Variants in CELF2 observed in about 807,000 individuals in gnomAD.
CELF2 encodes CUG triplet repeat RNA-binding protein 2.
CELF2 carries 8 observed loss-of-function variants against 62.6 expected under a neutral mutation model. The ratio of observed to expected loss-of-function variants is 0.13; its 90% CI spans 0.07 to 0.23. CELF2 has a LOEUF of 0.23. Among genes scored for constraint, CELF2 ranks in the 10% least tolerant of loss-of-function variants. CELF2 has a pLI of 1.00. For missense variants in CELF2, 333 were observed against 671.0 expected (o/e 0.50, Z 5.56); for synonymous variants, 258 against 250.0 (o/e 1.03, Z -0.30).
rs1589340004 is a variant in CELF2, at chr10:11,223,800, G to A, written c.354+6293G>A. On this transcript the variant is annotated intron_variant, in intron 3 of 12. Transcript: ENST00000633077. This position sits in a 1 kb window ranked among gnomAD's most constrained non-coding sequence, Gnocchi z 5.1. ...TATAGATCCAGGAGAGGATATCGGA[G>A]GATGGAAGGAAATCCTGGGCCCAGT... Among the ~76,000 whole-genome samples, 1 of 152,230 alleles carries A rather than the reference G, an allele frequency of 6.6e-6. No individual in the cohort carries two copies. The highest frequency in any genetic ancestry group is 1.9e-4 in the East Asian group (1 of 5,202).
the CELF2 span, among the ~76,000 whole-genome samples, chr10:10,570,896 GA>G: frequency 1.6e-4 from 25 of 151,766 alleles, no homozygotes; most frequent in African/African-American, 5.1e-4. Context: ...ATTTTTGCAG[GA>G]AAAAAAAGAT....
chr10:11,175,799 G>C (rs972631943), intron 2 of CELF2, among the ~76,000 whole-genome samples: 13 of 152,228 alleles, frequency 8.5e-5, no homozygotes, highest in African/African-American at 3.1e-4. Context: ...CAAAGCACCA[G>C]TCATGTGGCA....
At chr10:10,540,299 A>G in the CELF2 span, among the ~76,000 whole-genome samples, 1 of 152,162 alleles carries the variant, frequency 6.6e-6, no homozygotes, top group Non-Finnish European at 1.5e-5. Flanking sequence ...TGAGCATGAA[A>G]CACAGCTCCC....
intron 1 of CELF2, among the ~76,000 whole-genome samples, chr10:11,093,193 CTCAATCA>C (rs923198852): frequency 3.3e-5 from 5 of 152,234 alleles, no homozygotes; most frequent in African/African-American, 9.6e-5. Context: ...TCATGCTGCT[CTCAATCA>C]TTTGTGGGAC....
At chr10:11,276,214 G>A (rs942810394) in intron 8 of CELF2, among the ~76,000 whole-genome samples, 1 of 152,140 alleles carries the variant, frequency 6.6e-6, no homozygotes, top group South Asian at 2.1e-4. Context: ...TGGGTGTGGT[G>A]TGTGATCGGC....
chr10:11,288,280 TC>T, intron 8 of CELF2, 137 bp from the exon 9 acceptor site: 1 of 1,007,140 alleles, frequency 9.9e-7, no homozygotes, highest in Non-Finnish European at 1.4e-6. Flanking sequence ...AGAGCCCAGC[TC>T]CCACCCAGGC....
intron 2 of CELF2, among the ~76,000 whole-genome samples, chr10:10,978,018 G>A (rs1592655195): frequency 6.7e-6 from 1 of 149,908 alleles, no homozygotes; most frequent in South Asian, 2.1e-4. Flanking sequence ...TGTGTTTTGG[G>A]TTTGGGTTTT....
the CELF2 span, among the ~76,000 whole-genome samples, chr10:10,588,490 G>C: frequency 6.6e-6 from 1 of 152,136 alleles, no homozygotes; most frequent in Non-Finnish European, 1.5e-5. Context: ...GTACCACCCT[G>C]GGATACCCAG....
intron 7 of CELF2, among the ~76,000 whole-genome samples, chr10:11,271,871 G>C (rs1300970455): frequency 6.6e-6 from 1 of 152,084 alleles, no homozygotes; most frequent in Non-Finnish European, 1.5e-5. Flanking sequence ...TTCCACCTTG[G>C]AAGGTGAGAT....
intron 5 of CELF2, 42 bp downstream of exon 5, chr10:11,257,914 T>C: frequency 6.2e-7 from 1 of 1,608,550 alleles, no homozygotes; most frequent in Non-Finnish European, 8.5e-7. Flanking sequence ...TCAGTGCTAA[T>C]TGGAGCTCTG....
At chr10:10,837,683 T>G (rs1195339213) in intron 1 of CELF2, among the ~76,000 whole-genome samples, 1 of 152,204 alleles carries the variant, frequency 6.6e-6, no homozygotes, top group Non-Finnish European at 1.5e-5. Flanking sequence ...CCCCACTCAA[T>G]TATTCCAAAC....
At chr10:10,508,246 C>T in the CELF2 span, among the ~76,000 whole-genome samples, 3 of 152,052 alleles carry the variant, frequency 2.0e-5, no homozygotes, top group East Asian at 1.9e-4. Context: ...TAAGCCTTCA[C>T]GGTAGTACCA....
the CELF2 span, among the ~76,000 whole-genome samples, chr10:10,489,644 T>C: frequency 6.6e-6 from 1 of 152,130 alleles, no homozygotes; most frequent in Non-Finnish European, 1.5e-5. Flanking sequence ...GAGAGACCTA[T>C]ACTTTGGGGC....
the CELF2 span, among the ~76,000 whole-genome samples, chr10:10,563,522 C>T: frequency 6.7e-6 from 1 of 150,274 alleles, no homozygotes; most frequent in South Asian, 2.1e-4. Context: ...GCAGGAGAAT[C>T]GCTTGAACCC....
the CELF2 span, among the ~76,000 whole-genome samples, chr10:10,650,667 C>T: frequency 2.6e-5 from 4 of 152,266 alleles, 1 homozygote; most frequent in South Asian, 8.3e-4. Context: ...ATGAAAAAGA[C>T]AGAAAATAAG....
chr10:10,767,076 G>A, the CELF2 span, among the ~76,000 whole-genome samples: 2 of 152,080 alleles, frequency 1.3e-5, no homozygotes, highest in African/African-American at 4.8e-5. Context: ...GTCTTTTGGG[G>A]CTATGCTGGA....
chr10:11,168,082 G>A (rs1275833055), intron 2 of CELF2, among the ~76,000 whole-genome samples: 1 of 152,150 alleles, frequency 6.6e-6, no homozygotes, highest in Non-Finnish European at 1.5e-5. Flanking sequence ...TTCCCCAAGT[G>A]AAAGGAAGAA....
the CELF2 span, among the ~76,000 whole-genome samples, chr10:10,707,681 G>A: frequency 6.6e-6 from 1 of 152,302 alleles, no homozygotes; most frequent in African/African-American, 2.4e-5. Flanking sequence ...CCAGGACGCT[G>A]AAGACAAGAT....
At chr10:11,133,206 C>T (rs926772126) in intron 1 of CELF2, among the ~76,000 whole-genome samples, 2 of 152,066 alleles carry the variant, frequency 1.3e-5, no homozygotes, top group African/African-American at 4.8e-5. Context: ...TCTTTGGATC[C>T]ACAAGGAACC....
Sources: allele counts gnomAD v4.1 joint callset (sites outside exome capture counted in the v4.1 genomes callset), GRCh38; gene constraint gnomAD v4.1.1; non-coding constraint Gnocchi (gnomAD v3.1); transcripts MANE v1.5; gene names NCBI Gene and HGNC (gene_info 2026-07-23, HGNC 2026-07-21).